Variants in CHURC1 observed in about 807,000 individuals in gnomAD.
CHURC1 encodes the protein churchill domain containing 1.
A neutral mutation model predicts 15.4 loss-of-function variants in CHURC1; 12 were observed. The ratio of observed to expected loss-of-function variants is 0.78; its 90% CI spans 0.50 to 1.27. The LOEUF is 1.27. Among genes scored for constraint, CHURC1 ranks in the 50% most tolerant of loss-of-function variants. The pLI, the probability that CHURC1 is intolerant of heterozygous loss-of-function variation, is 0.00. For synonymous variants in CHURC1, 42 were observed against 47.5 expected, an observed-to-expected ratio of 0.88 and a Z score of 0.48; for missense variants, 132 against 137.8, an observed-to-expected ratio of 0.96 and a Z score of 0.21.
At chr14:64,916,702 C>T (rs940835196) in intron 1 of CHURC1, among the ~76,000 whole-genome samples, 2 of 152,032 alleles carry the variant, frequency 1.3e-5, no homozygotes, top group African/African-American at 2.4e-5. Flanking sequence ...CTCAGCCTCC[C>T]GAGTAGCTCG....
intron 1 of CHURC1, 96 bp from the exon 2 acceptor site, chr14:64,923,895 G>A: frequency 3.5e-6 from 4 of 1,151,012 alleles, no homozygotes; most frequent in Non-Finnish European, 4.4e-6. Context: ...CCATTTTTTA[G>A]TTTTGTTTTG....
chr14:64,930,217 TG>T (rs1885004108), intron 3 of CHURC1, among the ~76,000 whole-genome samples: 1 of 152,072 alleles, frequency 6.6e-6, no homozygotes, highest in African/African-American at 2.4e-5. Flanking sequence ...TTGGAGCCTT[TG>T]AGAGTCCCTG....
chr14:64,933,593 A>G lies in CHURC1; in HGVS notation c.*1363A>G. 1.0e-6 allele frequency: 1 copy of G among 982,782 alleles called. No individual in the cohort carries two copies. The highest frequency in any genetic ancestry group is 1.2e-6 in the Non-Finnish European group (1 of 827,542). 60.9% of individuals were successfully genotyped at this position (982,782 alleles called of 1,614,324 possible). A position where few individuals can be genotyped will look rare whatever the true frequency, so the allele number is the denominator to read the frequency against. On this transcript the variant is annotated 3_prime_UTR_variant, in exon 4 of 4. Coordinates refer to ENST00000549115, the MANE Select transcript of CHURC1 (RefSeq NM_001386928.1). ...CATCACAGTATTGTTAGGAGATTTAAATGAATTAGTGAATGTAAGATACTT... is the reference window on the plus strand; with the variant it reads ...CATCACAGTATTGTTAGGAGATTTAGATGAATTAGTGAATGTAAGATACTT...
intron 1 of CHURC1, among the ~76,000 whole-genome samples, chr14:64,915,441 G>A (rs926555187): frequency 2.0e-5 from 3 of 152,182 alleles, no homozygotes; most frequent in Non-Finnish European, 4.4e-5. Flanking sequence ...GAGGGCAATA[G>A]GGGATAGTGC....
chr14:64,931,362 C>T (rs1032358744), intron 3 of CHURC1, among the ~76,000 whole-genome samples: 1 of 151,878 alleles, frequency 6.6e-6, no homozygotes, highest in African/African-American at 2.4e-5. Flanking sequence ...AGTGAGACCC[C>T]ATCTCTACAA....
intron 2 of CHURC1, among the ~76,000 whole-genome samples, chr14:64,925,713 A>AAAAAG (rs1884641674): frequency 6.6e-6 from 1 of 151,698 alleles, no homozygotes; most frequent in South Asian, 2.1e-4. Context: ...AAAAAAAAAA[A>AAAAAG]AAAAGAAATT....
chr14:64,933,288 A>G lies in CHURC1; in HGVS notation c.*1058A>G. The G allele has an allele frequency of 2.6e-6, 2 of 771,488 alleles. No homozygotes were observed. The highest frequency in any genetic ancestry group is 3.2e-6 in the Non-Finnish European group (2 of 634,330). 47.8% of individuals were successfully genotyped at this position (771,488 alleles called of 1,614,324 possible). A position where few individuals can be genotyped will look rare whatever the true frequency, so the allele number is the denominator to read the frequency against. On this transcript the variant is annotated 3_prime_UTR_variant, in exon 4 of 4. Transcript: ENST00000549115. ...TGTGGTATCCTACATGGAATTATATACCACGAAAAGAAAAAAAGGTCATTT... is the reference window on the plus strand; with the variant it reads ...TGTGGTATCCTACATGGAATTATATGCCACGAAAAGAAAAAAAGGTCATTT...
chr14:64,919,641 C>T (rs1473442405), intron 1 of CHURC1, among the ~76,000 whole-genome samples: 4 of 152,088 alleles, frequency 2.6e-5, no homozygotes, highest in African/African-American at 9.7e-5. Flanking sequence ...CCAGGACCTT[C>T]GGAGGCCGAG....
Position 64,934,586 on chromosome 14 carries a change from G to A in CHURC1, c.*2356G>A, listed in dbSNP as rs140980389. ...AAGTCAGCTGTTGCAGGGATCAGTT[G>A]TTTTATTCCTGGAAAATGTTTTTCA... On this transcript the variant is annotated 3_prime_UTR_variant, in exon 4 of 4. Transcript: ENST00000549115. 4.5e-4 allele frequency: 448 copies of A among 985,422 alleles called. 4 individuals carry two copies. In the African/African-American group the frequency reaches 7.3e-3, roughly 16 times the overall value. 61.0% of individuals were successfully genotyped at this position (985,422 alleles called of 1,614,324 possible). A position where few individuals can be genotyped will look rare whatever the true frequency, so the allele number is the denominator to read the frequency against.
rs1273363490 is a variant in CHURC1, at chr14:64,924,292, G to A, written c.175+166G>A. On this transcript the variant is annotated intron_variant, in intron 2 of 3. Coordinates refer to ENST00000549115, the MANE Select transcript of CHURC1 (RefSeq NM_001386928.1). ...TGTCATTAACACCTCATTTATCTGG[G>A]ATATCAAATAGTCTATGTAAATGAC... 11 of 740,160 alleles carry A rather than the reference G, an allele frequency of 1.5e-5. No homozygotes were observed. In the Admixed American group the frequency reaches 3.8e-4, roughly 25 times the overall value. The allele number at this position is 740,160 out of a possible 1,614,324, so 45.8% of individuals were successfully genotyped here.
intron 1 of CHURC1, among the ~76,000 whole-genome samples, chr14:64,921,874 A>G (rs1316501088): frequency 2.0e-5 from 3 of 152,342 alleles, no homozygotes; most frequent in Middle Eastern, 3.4e-3. Context: ...ATAGCCCCAA[A>G]TGGAAACAAC....
chr14:64,927,628 G>C (rs1884798578), intron 3 of CHURC1, among the ~76,000 whole-genome samples: 1 of 151,746 alleles, frequency 6.6e-6, no homozygotes, highest in Non-Finnish European at 1.5e-5. Context: ...AAGGAAGGTG[G>C]CTTGTAGTCA....
chr14:64,923,273 C>CAAAAAAAAAA lies in CHURC1; in HGVS notation c.40-713_40-704dup, dbSNP rs563823780. Among the ~76,000 whole-genome samples the CAAAAAAAAAA allele has an allele frequency of 7.5e-4, 77 of 103,302 alleles. 2 individuals are homozygous for CAAAAAAAAAA. Among genetic ancestry groups the CAAAAAAAAAA allele is most frequent in the African/African-American group, 1.6e-3 (41 of 26,328 alleles). 67.8% of individuals were successfully genotyped at this position (103,302 alleles called of 152,430 possible). A position where few individuals can be genotyped will look rare whatever the true frequency, so the allele number is the denominator to read the frequency against. ...CATAGCAAGACCCCATCTCAATTAC[C>CAAAAAAAAAA]AAAAAAAAAAAAAAGGCTTCCTTTG... On this transcript the variant is annotated intron_variant, in intron 1 of 3. Transcript: ENST00000549115.
At position 64,914,479 on chromosome 14, in the gene CHURC1, C is replaced by T. The variant is rs371644150; in HGVS notation, c.-17C>T. ...TCCCGGAAGCGTTGGAGGACATTCC[C>T]TGTTGACTGCGTCGCGATGTGTGGC... On this transcript the variant is annotated 5_prime_UTR_variant, in exon 1 of 4. Transcript: ENST00000549115. 6 of 1,614,156 alleles carry T rather than the reference C, an allele frequency of 3.7e-6. No individual in the cohort carries two copies. In the South Asian group the frequency reaches 4.4e-5, roughly 12 times the overall value.
At position 64,935,075 on chromosome 14, in the gene CHURC1, A is replaced by G. The variant is rs1885264180; in HGVS notation, c.*2845A>G. On this transcript the variant is annotated 3_prime_UTR_variant, in exon 4 of 4. Transcript: ENST00000549115. ...TGGAAATCTTCATTCTCAGTAAACTATCGCAAGGACAAAAAACCAAACACC... is the reference window on the plus strand; with the variant it reads ...TGGAAATCTTCATTCTCAGTAAACTGTCGCAAGGACAAAAAACCAAACACC... The G allele has an allele frequency of 5.8e-6, 5 of 856,936 alleles. No individual in the cohort carries two copies. Among genetic ancestry groups the G allele is most frequent in the Middle Eastern group, 6.0e-4 (1 of 1,654 alleles). 53.1% of individuals were successfully genotyped at this position (856,936 alleles called of 1,614,324 possible).
chr14:64,923,965 T>C, intron 1 of CHURC1, 26 bp from the exon 2 acceptor site: 2 of 1,490,596 alleles, frequency 1.3e-6, no homozygotes, highest in Non-Finnish European at 1.8e-6. Flanking sequence ...TGTAAAGAAA[T>C]TAAATTCCTG....
intron 1 of CHURC1, among the ~76,000 whole-genome samples, chr14:64,920,060 ATT>A (rs1217071955): frequency 1.3e-5 from 2 of 152,166 alleles, no homozygotes; most frequent in African/African-American, 4.8e-5. Flanking sequence ...ATTTTTAAAC[ATT>A]CCCTGGCAAA....
At position 64,914,480 on chromosome 14, in the gene CHURC1, T is replaced by C. The variant is rs1883715255; in HGVS notation, c.-16T>C. The C allele has an allele frequency of 1.9e-6, 3 of 1,614,146 alleles. No individual in the cohort carries two copies. The highest frequency in any genetic ancestry group is 8.5e-7 in the Non-Finnish European group (1 of 1,180,048). On this transcript the variant is annotated 5_prime_UTR_variant, in exon 1 of 4. Transcript: ENST00000549115. ...CCCGGAAGCGTTGGAGGACATTCCCTGTTGACTGCGTCGCGATGTGTGGCG... is the reference window on the plus strand; with the variant it reads ...CCCGGAAGCGTTGGAGGACATTCCCCGTTGACTGCGTCGCGATGTGTGGCG...
chr14:64,929,817 T>G (rs920817343), intron 3 of CHURC1, among the ~76,000 whole-genome samples: 1 of 151,944 alleles, frequency 6.6e-6, no homozygotes, highest in East Asian at 1.9e-4. Context: ...TTAAACAAAG[T>G]AGGATTTTCT....
Sources: allele counts gnomAD v4.1 joint callset (sites outside exome capture counted in the v4.1 genomes callset), GRCh38; gene constraint gnomAD v4.1.1; transcripts MANE v1.5; gene names NCBI Gene and HGNC (gene_info 2026-07-23, HGNC 2026-07-21).